Variants in SPAG16 observed in about 807,000 individuals in gnomAD.
SPAG16 encodes the protein sperm associated antigen 16, also known as sperm-associated antigen 16 protein.
A neutral mutation model predicts 80.4 loss-of-function variants in SPAG16; 86 were observed. That is an observed-to-expected ratio of 1.07 (90% CI 0.90 to 1.28). The LOEUF is 1.28. Ranked by LOEUF, SPAG16 falls within the 50% of genes most tolerant of loss-of-function variation. SPAG16 has a pLI of 0.00. For synonymous variants in SPAG16, 294 were observed against 265.9 expected (o/e 1.11, Z -1.03); for missense variants, 870 against 765.3 (o/e 1.14, Z -1.61).
intron 10 of SPAG16, among the ~76,000 whole-genome samples, chr2:213,691,325 T>G (rs567015469): frequency 6.6e-6 from 1 of 152,270 alleles, no homozygotes; most frequent in Admixed American, 6.5e-5. Context: ...GAGGACAACT[T>G]GCAAATTCTG....
chr2:213,807,014 T>TA (rs556774399), intron 10 of SPAG16, among the ~76,000 whole-genome samples: 32 of 152,088 alleles, frequency 2.1e-4, no homozygotes, highest in South Asian at 6.2e-4. Context: ...TTCAGTCCTT[T>TA]AAAAAAATCT....
chr2:213,432,644 A>G (rs2888210), intron 9 of SPAG16, among the ~76,000 whole-genome samples: 9,142 of 152,092 alleles, frequency 0.06, 914 homozygotes, highest in African/African-American at 0.21. Flanking sequence ...ATAGTTTGAA[A>G]TTCTGGTTGC....
Position 213,862,457 on chromosome 2 carries a change from T to A in SPAG16, c.1071-28T>A, listed in dbSNP as rs552085627. The A allele has an allele frequency of 4.3e-6, 7 of 1,610,540 alleles. No homozygotes were observed. In the East Asian group the frequency reaches 1.6e-4, roughly 36 times the overall value. The stretch of plus-strand genomic sequence containing the variant: ...GAAAACATTTGCTATTATCTCCCCA[T>A]AACTCTTTTTTCTTTCTCCTCGCGC... On this transcript the variant is annotated intron_variant, in intron 10 of 15. Coordinates refer to ENST00000331683, the MANE Select transcript of SPAG16 (RefSeq NM_024532.5).
intron 10 of SPAG16, among the ~76,000 whole-genome samples, chr2:213,862,126 G>T (rs1301101681): frequency 4.6e-5 from 7 of 152,116 alleles, no homozygotes; most frequent in African/African-American, 9.7e-5. Flanking sequence ...ATGACCACTG[G>T]TCCAAATATC....
chr2:213,909,675 T>C (rs1021784469), intron 11 of SPAG16, among the ~76,000 whole-genome samples: 1 of 152,206 alleles, frequency 6.6e-6, no homozygotes, highest in Non-Finnish European at 1.5e-5. Context: ...GCTAGCCATA[T>C]GTAGAAAGTT....
chr2:213,317,810 G>C, intron 5 of SPAG16: 1 of 844,810 alleles, frequency 1.2e-6, no homozygotes, highest in Non-Finnish European at 1.4e-6. Context: ...ATGATATGTA[G>C]GTTCGTCAGT....
chr2:213,636,967 C>G (rs1379221845), intron 10 of SPAG16, among the ~76,000 whole-genome samples: 1 of 152,140 alleles, frequency 6.6e-6, no homozygotes, highest in Non-Finnish European at 1.5e-5. Flanking sequence ...TCTCATTGCT[C>G]TAGCCAGGAC....
chr2:214,378,934 G>A (rs1030363553), intron 15 of SPAG16, among the ~76,000 whole-genome samples: 7 of 152,154 alleles, frequency 4.6e-5, no homozygotes, highest in Non-Finnish European at 7.3e-5. Context: ...CTCATGACTC[G>A]TTCTGCCAGG....
intron 15 of SPAG16, among the ~76,000 whole-genome samples, chr2:214,325,070 CTTAT>C: frequency 6.6e-6 from 1 of 152,298 alleles, no homozygotes; most frequent in East Asian, 1.9e-4. Context: ...CCCAAACTTA[CTTAT>C]TTTTCTCATT....
At chr2:213,603,697 C>A (rs999129287) in intron 10 of SPAG16, among the ~76,000 whole-genome samples, 1 of 152,178 alleles carries the variant, frequency 6.6e-6, no homozygotes, top group African/African-American at 2.4e-5. Context: ...TGGATGAGAT[C>A]TATTCATAAA....
chr2:214,325,024 G>GA (rs1267428460), intron 15 of SPAG16, among the ~76,000 whole-genome samples: 4 of 152,070 alleles, frequency 2.6e-5, no homozygotes, highest in Non-Finnish European at 5.9e-5. Context: ...CATAATATCA[G>GA]AAAAAATATT....
At chr2:213,865,923 T>TTA (rs1253149674) in intron 11 of SPAG16, among the ~76,000 whole-genome samples, 11 of 144,914 alleles carry the variant, frequency 7.6e-5, no homozygotes, top group South Asian at 2.1e-4. Flanking sequence ...GAAACTTATA[T>TTA]TATATATATA....
intron 1 of SPAG16, among the ~76,000 whole-genome samples, chr2:213,293,555 A>T (rs140677891): frequency 7.8e-4 from 119 of 152,312 alleles, no homozygotes; most frequent in African/African-American, 2.7e-3. Flanking sequence ...CTGTGGAGAG[A>T]CCCACATGGG....
intron 10 of SPAG16, among the ~76,000 whole-genome samples, chr2:213,504,403 T>G (rs2074876173): frequency 6.6e-6 from 1 of 151,992 alleles, no homozygotes; most frequent in Non-Finnish European, 1.5e-5. Flanking sequence ...ATTAAAGGTA[T>G]TAAAATAAAA....
At chr2:213,556,535 A>C (rs2059431959) in intron 10 of SPAG16, among the ~76,000 whole-genome samples, 1 of 152,150 alleles carries the variant, frequency 6.6e-6, no homozygotes, top group South Asian at 2.1e-4. Flanking sequence ...GAATAACTTC[A>C]TTATGAAGAT....
rs11694506 is a variant in SPAG16, at chr2:213,509,057, T to C, written c.1070+18967T>C. 7.9e-4 allele frequency among the ~76,000 whole-genome samples: 120 copies of C among 151,956 alleles called. 2 individuals are homozygous for C. The highest frequency in any genetic ancestry group is 3.4e-3 in the Middle Eastern group (1 of 292). On this transcript the variant is annotated intron_variant, in intron 10 of 15. Coordinates refer to ENST00000331683, the MANE Select transcript of SPAG16 (RefSeq NM_024532.5). ...TTTCACCCAGGCTGGAGTGCAGTGA[T>C]GCAATCTCGGCTCACTGCAGTCTCC...
chr2:214,113,580 A>C (rs1423419142), intron 14 of SPAG16, among the ~76,000 whole-genome samples: 1 of 152,062 alleles, frequency 6.6e-6, no homozygotes, highest in Non-Finnish European at 1.5e-5. Context: ...TTTATCTTCA[A>C]TCACTGATAC....
intron 9 of SPAG16, among the ~76,000 whole-genome samples, chr2:213,425,601 G>A (rs1297449054): frequency 4.1e-5 from 6 of 145,652 alleles, no homozygotes; most frequent in Admixed American, 7.1e-5. Flanking sequence ...GCAGTGAGCC[G>A]AGATGGCGCC....
At chr2:213,886,803 G>A (rs2076573034) in intron 11 of SPAG16, among the ~76,000 whole-genome samples, 1 of 151,894 alleles carries the variant, frequency 6.6e-6, no homozygotes, top group Non-Finnish European at 1.5e-5. Flanking sequence ...TAACACAGGT[G>A]AAAGAAACTG....
Sources: allele counts gnomAD v4.1 joint callset (sites outside exome capture counted in the v4.1 genomes callset), GRCh38; gene constraint gnomAD v4.1.1; transcripts MANE v1.5; gene names NCBI Gene and HGNC (gene_info 2026-07-23, HGNC 2026-07-21).